The following CDK14 variants were observed in gnomAD, a reference collection of about 807,000 sequenced individuals.
The protein encoded by CDK14 is cyclin-dependent kinase 14.
In CDK14, 34 loss-of-function variants were observed where a neutral mutation model predicts 60.7. The ratio of observed to expected loss-of-function variants is 0.56; its 90% CI spans 0.43 to 0.75. The LOEUF is 0.75. Among genes scored for constraint, CDK14 ranks in the 30% least tolerant of loss-of-function variants. The probability of loss-of-function intolerance (pLI) is 0.00; values close to 1 mark genes in which losing one functional copy is unlikely to be tolerated. For missense variants in CDK14, 482 were observed against 564.1 expected (o/e 0.85, Z 1.47); for synonymous variants, 197 against 203.7 (o/e 0.97, Z 0.28).
At chr7:90,629,133 A>G (rs1799938833) in intron 2 of CDK14, among the ~76,000 whole-genome samples, 1 of 152,176 alleles carries the variant, frequency 6.6e-6, no homozygotes, top group South Asian at 2.1e-4. Flanking sequence ...CTACTACGGC[A>G]ATTACAAATG....
intron 4 of CDK14, among the ~76,000 whole-genome samples, chr7:90,755,495 A>G (rs1804018550): frequency 6.6e-6 from 1 of 152,164 alleles, no homozygotes; most frequent in Non-Finnish European, 1.5e-5. Flanking sequence ...AAAAGGGTTG[A>G]AAAACCTTTG....
chr7:90,761,181 C>T (rs982394898), intron 4 of CDK14, among the ~76,000 whole-genome samples: 2 of 152,218 alleles, frequency 1.3e-5, no homozygotes, highest in African/African-American at 4.8e-5. Flanking sequence ...AGTGTTTAAA[C>T]GTATTGGCCT....
chr7:90,963,718 T>G (rs1247404449), intron 9 of CDK14, among the ~76,000 whole-genome samples: 1 of 144,368 alleles, frequency 6.9e-6, no homozygotes, highest in South Asian at 2.3e-4. Flanking sequence ...TTTCTTTTTT[T>G]TTTTTTTTTT....
intron 6 of CDK14, among the ~76,000 whole-genome samples, chr7:90,875,873 G>A (rs1180532859): frequency 6.6e-6 from 1 of 151,624 alleles, no homozygotes; most frequent in African/African-American, 2.4e-5. Flanking sequence ...TAATTTCTAA[G>A]GTACCTTTGC....
At chr7:90,664,958 G>T (rs1362069310) in intron 2 of CDK14, among the ~76,000 whole-genome samples, 1 of 151,958 alleles carries the variant, frequency 6.6e-6, no homozygotes, top group East Asian at 1.9e-4. Flanking sequence ...AATTTAAAAA[G>T]AAATCATGTT....
At chr7:90,730,260 G>A (rs923760345) in intron 3 of CDK14, among the ~76,000 whole-genome samples, 1 of 152,134 alleles carries the variant, frequency 6.6e-6, no homozygotes, top group Admixed American at 6.5e-5. Context: ...TATCTTTGAT[G>A]GGCATTTGGG....
At chr7:90,637,035 A>G (rs1169051861) in intron 2 of CDK14, among the ~76,000 whole-genome samples, 1 of 151,374 alleles carries the variant, frequency 6.6e-6, no homozygotes, top group Non-Finnish European at 1.5e-5. Flanking sequence ...TTTTTTCTTT[A>G]TTAGCCTTGC....
chr7:90,698,868 T>C (rs1801722086), intron 2 of CDK14, among the ~76,000 whole-genome samples: 1 of 152,218 alleles, frequency 6.6e-6, no homozygotes, highest in South Asian at 2.1e-4. Flanking sequence ...CCATGGGTTC[T>C]CAGTTCTCTC....
intron 5 of CDK14, among the ~76,000 whole-genome samples, chr7:90,795,924 G>C (rs1452622980): frequency 6.6e-6 from 1 of 152,122 alleles, no homozygotes; most frequent in Non-Finnish European, 1.5e-5. Flanking sequence ...GAGGTTCAAG[G>C]GAAGAAGCAA....
intron 10 of CDK14, among the ~76,000 whole-genome samples, chr7:90,994,774 A>G (rs1040001235): frequency 1.3e-5 from 2 of 152,148 alleles, no homozygotes; most frequent in East Asian, 3.9e-4. Flanking sequence ...TTTTTGACTA[A>G]CAAGTTCATG....
intron 8 of CDK14, among the ~76,000 whole-genome samples, chr7:90,939,339 A>G (rs886563185): frequency 6.6e-6 from 1 of 152,244 alleles, no homozygotes. Flanking sequence ...CTTAAAGGCT[A>G]AGACATTTGT....
chr7:91,146,182 TG>T (rs1278846592), intron 14 of CDK14, among the ~76,000 whole-genome samples: 3 of 152,120 alleles, frequency 2.0e-5, no homozygotes, highest in Non-Finnish European at 4.4e-5. Context: ...CTATACAATC[TG>T]GGGTTCTTAT....
intron 10 of CDK14, among the ~76,000 whole-genome samples, chr7:91,042,974 T>G (rs1797130865): frequency 6.6e-6 from 1 of 152,244 alleles, no homozygotes. Context: ...AATTAATTTT[T>G]AATTATTCTT....
intron 10 of CDK14, among the ~76,000 whole-genome samples, chr7:91,044,370 G>T (rs75785028): frequency 3.1e-4 from 47 of 152,286 alleles, no homozygotes; most frequent in African/African-American, 1.0e-3. Context: ...TTACCAAAAG[G>T]GTGGAGACCA....
intron 2 of CDK14, among the ~76,000 whole-genome samples, chr7:90,693,240 T>A (rs1801592016): frequency 6.6e-6 from 1 of 152,214 alleles, no homozygotes; most frequent in African/African-American, 2.4e-5. Context: ...AGGTCATTTT[T>A]AAAATTTAAA....
intron 5 of CDK14, among the ~76,000 whole-genome samples, chr7:90,809,985 A>G (rs1789022445): frequency 6.6e-6 from 1 of 152,212 alleles, no homozygotes; most frequent in African/African-American, 2.4e-5. Context: ...TTAATAGCTT[A>G]CCAACCAAAA....
chr7:90,864,785 T>C (rs578228938), intron 6 of CDK14, among the ~76,000 whole-genome samples: 29 of 152,322 alleles, frequency 1.9e-4, no homozygotes, highest in Middle Eastern at 6.8e-3. Context: ...TATTTACTGA[T>C]AAAGACTGAC....
intron 2 of CDK14, among the ~76,000 whole-genome samples, chr7:90,709,095 C>G: frequency 6.6e-6 from 1 of 150,984 alleles, no homozygotes; most frequent in East Asian, 1.9e-4. Flanking sequence ...AAAAATTCTG[C>G]AAGCTCATAA....
intron 2 of CDK14, among the ~76,000 whole-genome samples, chr7:90,690,137 G>T (rs1411548969): frequency 6.6e-6 from 1 of 152,094 alleles, no homozygotes; most frequent in Non-Finnish European, 1.5e-5. Context: ...TTTTGATAAA[G>T]TAGTATACCA....
Sources: gnomAD v4.1 joint callset for allele counts (sites outside exome capture counted in the v4.1 genomes callset) on GRCh38, gnomAD v4.1.1 for gene constraint, MANE v1.5 for transcripts, NCBI Gene and HGNC (gene_info 2026-07-23, HGNC 2026-07-21) for gene names.